Variants in EXOSC7 observed in about 807,000 individuals in gnomAD.
EXOSC7 encodes the protein exosome component 7, also known as exosome complex component RRP42.
Under a neutral mutation model 34.3 loss-of-function variants are expected in EXOSC7, and 25 were observed. That is an observed-to-expected ratio of 0.73 (90% CI 0.53 to 1.02). The LOEUF (loss-of-function observed/expected upper bound fraction) is 1.02, where lower values mean the gene tolerates loss of function less well. Among genes scored for constraint, EXOSC7 ranks in the 50% least tolerant of loss-of-function variants. EXOSC7 has a pLI of 0.00. For missense variants in EXOSC7, 370 were observed against 368.5 expected (o/e 1.00, Z -0.03); for synonymous variants, 130 against 143.0 (o/e 0.91, Z 0.65).
At chr3:44,988,683 A>G (rs1559743964) in intron 1 of EXOSC7, among the ~76,000 whole-genome samples, 1 of 152,228 alleles carries the variant, frequency 6.6e-6, no homozygotes, top group Non-Finnish European at 1.5e-5. Context: ...CTATTTACAC[A>G]GTAGATCTTG....
intron 7 of EXOSC7, among the ~76,000 whole-genome samples, 196 bp from the exon 8 acceptor site, chr3:45,011,039 G>A (rs900821098): frequency 2.6e-5 from 4 of 152,086 alleles, no homozygotes; most frequent in East Asian, 1.9e-4. Context: ...TTGATATGAC[G>A]ATTTTTACAA....
intron 3 of EXOSC7, among the ~76,000 whole-genome samples, chr3:44,991,865 C>A (rs941394130): frequency 1.3e-5 from 2 of 152,124 alleles, no homozygotes; most frequent in African/African-American, 4.8e-5. Flanking sequence ...GAATTGATTT[C>A]TCAAGATGGA....
intron 1 of EXOSC7, among the ~76,000 whole-genome samples, chr3:44,981,560 C>G (rs1706270447): frequency 6.6e-6 from 1 of 152,012 alleles, no homozygotes; most frequent in Admixed American, 6.6e-5. Flanking sequence ...AAAGATTCAG[C>G]CTGTGGCTCC....
intron 4 of EXOSC7, 144 bp downstream of exon 4, chr3:44,997,396 A>G (rs1048061758): frequency 2.6e-5 from 16 of 627,218 alleles, no homozygotes; most frequent in African/African-American, 9.1e-5. Flanking sequence ...ATGGTCTCCT[A>G]TAATAATTTT....
At chr3:45,001,270 T>C (rs557506863) in intron 4 of EXOSC7, among the ~76,000 whole-genome samples, 1 of 151,968 alleles carries the variant, frequency 6.6e-6, no homozygotes. Flanking sequence ...CTGGCCAACA[T>C]GGTGAAACCC....
intron 1 of EXOSC7, among the ~76,000 whole-genome samples, chr3:44,988,498 C>T (rs1706480539): frequency 6.6e-6 from 1 of 152,332 alleles, no homozygotes; most frequent in African/African-American, 2.4e-5. Flanking sequence ...CCTTATGGGT[C>T]ATATCTCTGG....
intron 7 of EXOSC7, among the ~76,000 whole-genome samples, chr3:45,010,215 G>C (rs570524669): frequency 4.6e-5 from 7 of 152,230 alleles, no homozygotes; most frequent in South Asian, 4.1e-4. Flanking sequence ...CAGAATAACA[G>C]TTTCATAAAG....
At chr3:44,987,179 T>C (rs559820668) in intron 1 of EXOSC7, among the ~76,000 whole-genome samples, 1 of 151,990 alleles carries the variant, frequency 6.6e-6, no homozygotes, top group Admixed American at 6.5e-5. Context: ...ATGTATTTGC[T>C]TATTTGTGCA....
intron 6 of EXOSC7, among the ~76,000 whole-genome samples, 185 bp from the exon 7 acceptor site, chr3:45,007,235 G>A (rs941967390): frequency 6.6e-6 from 1 of 152,180 alleles, no homozygotes; most frequent in Non-Finnish European, 1.5e-5. Context: ...CACCCACACA[G>A]TGGCCTGTGA....
intron 1 of EXOSC7, among the ~76,000 whole-genome samples, chr3:44,988,424 A>C (rs1243341327): frequency 6.6e-6 from 1 of 152,238 alleles, no homozygotes; most frequent in African/African-American, 2.4e-5. Flanking sequence ...CCACCCTGAA[A>C]ACCATCTTCT....
Position 45,011,276 on chromosome 3 carries a change from G to A in EXOSC7, c.813G>A (p.Gln271=), listed in dbSNP as rs1707203745. 2 of 1,613,684 alleles carry A rather than the reference G, an allele frequency of 1.2e-6. No homozygotes were observed. The highest frequency in any genetic ancestry group is 4.5e-5 in the East Asian group (2 of 44,814). Residue 271 remains glutamine, a synonymous_variant, in exon 8 of 8, where the codon CAG becomes CAA. Transcript: ENST00000265564. The part of the protein sequence containing the change: ...RVGKVLHASL[Q]SVVHKEESLG... Reference sequence around the variant, plus strand: ...GCAAGGTACTGCATGCCTCCTTGCAGAGTGTTGTGCACAAGGAAGAAAGCC... The same window carrying A: ...GCAAGGTACTGCATGCCTCCTTGCAAAGTGTTGTGCACAAGGAAGAAAGCC...
intron 3 of EXOSC7, among the ~76,000 whole-genome samples, chr3:44,995,574 G>A (rs1453271429): frequency 6.6e-6 from 1 of 152,188 alleles, no homozygotes; most frequent in Admixed American, 6.5e-5. Context: ...GTGTTTTGCT[G>A]GCTGTGCAAA....
intron 5 of EXOSC7, chr3:45,004,456 A>T (rs905794574): frequency 6.6e-6 from 1 of 150,850 alleles, no homozygotes; most frequent in African/African-American, 2.4e-5. Context: ...GGGTTTCACC[A>T]TCTTGGCCAG....
intron 4 of EXOSC7, among the ~76,000 whole-genome samples, chr3:44,997,851 T>C (rs1706764317): frequency 6.6e-6 from 1 of 152,118 alleles, no homozygotes; most frequent in South Asian, 2.1e-4. Flanking sequence ...TGCCTGCCTT[T>C]AGTTTCCTGG....
intron 6 of EXOSC7, 56 bp from the exon 7 acceptor site, chr3:45,007,364 G>T: frequency 1.2e-6 from 2 of 1,600,016 alleles, no homozygotes; most frequent in Non-Finnish European, 1.7e-6. Flanking sequence ...GGCCATCAGG[G>T]GTGGGACTCT....
intron 3 of EXOSC7, among the ~76,000 whole-genome samples, chr3:44,993,926 A>G (rs1203824590): frequency 6.6e-6 from 1 of 152,212 alleles, no homozygotes; most frequent in Non-Finnish European, 1.5e-5. Context: ...AGACCAAAGC[A>G]TACATTCATT....
intron 3 of EXOSC7, among the ~76,000 whole-genome samples, chr3:44,991,721 C>G (rs1706577575): frequency 6.6e-6 from 1 of 152,128 alleles, no homozygotes; most frequent in South Asian, 2.1e-4. Context: ...GTTGCCTCTT[C>G]CCAAGATCTG....
intron 3 of EXOSC7, among the ~76,000 whole-genome samples, chr3:44,995,890 C>T (rs1304538498): frequency 6.6e-6 from 1 of 152,232 alleles, no homozygotes; most frequent in East Asian, 1.9e-4. Flanking sequence ...CATGGGCGTT[C>T]ACACAGGTTT....
chr3:45,002,930 G>A, intron 5 of EXOSC7, among the ~76,000 whole-genome samples: 1 of 152,198 alleles, frequency 6.6e-6, no homozygotes, highest in East Asian at 1.9e-4. Flanking sequence ...GGAAGGAAAG[G>A]AAGCTGTCAT....
Sources: gnomAD v4.1 joint callset for allele counts (sites outside exome capture counted in the v4.1 genomes callset) on GRCh38, gnomAD v4.1.1 for gene constraint, MANE v1.5 for transcripts, NCBI Gene and HGNC (gene_info 2026-07-23, HGNC 2026-07-21) for gene names.